PPARG: variants seen among roughly 807,000 people sequenced by gnomAD.
PPARG encodes peroxisome proliferator-activated receptor gamma.
PPARG carries 17 observed loss-of-function variants against 39.2 expected under a neutral mutation model. That is an observed-to-expected ratio of 0.43 (90% CI 0.30 to 0.65). The LOEUF is 0.65. PPARG is among the 30% of genes least tolerant of loss of function. PPARG has a pLI of 0.13. For synonymous variants in PPARG, 223 were observed against 215.7 expected (o/e 1.03, Z -0.30); for missense variants, 406 against 585.9 (o/e 0.69, Z 3.17).
intron 5 of PPARG, among the ~76,000 whole-genome samples, chr3:12,400,062 C>G (rs1038091041): frequency 2.0e-5 from 3 of 151,410 alleles, no homozygotes; most frequent in Non-Finnish European, 4.4e-5. Context: ...TTGTATGCAA[C>G]AAACATATAA....
chr3:12,422,305 A>G lies in PPARG; in HGVS notation c.1180+5151A>G, dbSNP rs139272936. Among the ~76,000 whole-genome samples the G allele has an allele frequency of 7.2e-5, 11 of 152,318 alleles. No homozygotes were observed. In the East Asian group the frequency reaches 1.4e-3, roughly 19 times the overall value. On this transcript the variant is annotated intron_variant, in intron 7 of 7. Transcript: ENST00000651735. ...TTGGATTTCTTGGTAGGAAGACTAC[A>G]TGGCTGCATACATGGTCTTTCATTA...
chr3:12,309,694 A>G (rs576855510), intron 1 of PPARG, among the ~76,000 whole-genome samples: 2 of 152,298 alleles, frequency 1.3e-5, no homozygotes, highest in Admixed American at 6.5e-5. Flanking sequence ...AATTATTTCC[A>G]TTGTTAATTA....
At chr3:12,389,805 A>AGG (rs2050006011) in intron 4 of PPARG, among the ~76,000 whole-genome samples, 1 of 152,116 alleles carries the variant, frequency 6.6e-6, no homozygotes, top group Non-Finnish European at 1.5e-5. Flanking sequence ...GCTGAGGCCC[A>AGG]AGAATCGCTT....
chr3:12,386,882 C>A (rs1252910075), intron 4 of PPARG, among the ~76,000 whole-genome samples: 1 of 151,778 alleles, frequency 6.6e-6, no homozygotes, highest in African/African-American at 2.4e-5. Context: ...CCTCCACCCC[C>A]TGATAGGCCC....
chr3:12,394,856 A>T (rs894534643), intron 5 of PPARG, among the ~76,000 whole-genome samples: 1 of 152,240 alleles, frequency 6.6e-6, no homozygotes, highest in Non-Finnish European at 1.5e-5. Flanking sequence ...CAGGGTTTTC[A>T]TTCATATAGA....
chr3:12,403,657 A>G (rs1431125181), intron 5 of PPARG, among the ~76,000 whole-genome samples: 2 of 152,134 alleles, frequency 1.3e-5, no homozygotes, highest in East Asian at 1.9e-4. Flanking sequence ...CACCCAGCCC[A>G]TATTATTTTT....
chr3:12,353,089 G>A (rs946497874), intron 2 of PPARG, among the ~76,000 whole-genome samples: 2 of 152,198 alleles, frequency 1.3e-5, no homozygotes, highest in African/African-American at 4.8e-5. Context: ...GGATGGTTAT[G>A]TGATTCAAGT....
intron 7 of PPARG, among the ~76,000 whole-genome samples, chr3:12,429,570 A>AT (rs1199887912): frequency 6.7e-6 from 1 of 149,642 alleles, no homozygotes; most frequent in Non-Finnish European, 1.5e-5. Context: ...AAAAAAAAAA[A>AT]AAAGAAGCAG....
intron 2 of PPARG, among the ~76,000 whole-genome samples, chr3:12,356,336 T>C (rs1295495010): frequency 6.6e-6 from 1 of 152,222 alleles, no homozygotes; most frequent in East Asian, 1.9e-4. Flanking sequence ...CATCCAACTC[T>C]TATAACCTCA....
intron 5 of PPARG, 107 bp from the exon 6 acceptor site, chr3:12,405,775 G>C (rs1381289896): frequency 9.7e-6 from 11 of 1,131,742 alleles, no homozygotes; most frequent in African/African-American, 3.1e-5. Context: ...AAGAGCAGTG[G>C]AGGAGGAGGG....
chr3:12,363,264 A>G (rs2048911804), intron 2 of PPARG, among the ~76,000 whole-genome samples: 1 of 152,200 alleles, frequency 6.6e-6, no homozygotes, highest in African/African-American at 2.4e-5. Context: ...AAAAGTATGA[A>G]AAGTGTCTAC....
intron 1 of PPARG, chr3:12,297,817 AT>A (rs991811876): frequency 4.0e-5 from 6 of 151,792 alleles, no homozygotes; most frequent in East Asian, 1.9e-4. Flanking sequence ...TTTTTTTCTA[AT>A]TTTTTTCTAT....
At chr3:12,330,144 G>A (rs907641105) in intron 2 of PPARG, among the ~76,000 whole-genome samples, 16 of 151,902 alleles carry the variant, frequency 1.1e-4, no homozygotes, top group African/African-American at 3.9e-4. Context: ...TAGTTCTTTT[G>A]GGTATATACC....
At chr3:12,410,849 A>G (rs1229552531) in intron 6 of PPARG, among the ~76,000 whole-genome samples, 2 of 152,198 alleles carry the variant, frequency 1.3e-5, no homozygotes, top group Admixed American at 1.3e-4. Flanking sequence ...TTTAAATCCT[A>G]CACTTACAGC....
chr3:12,401,304 A>G (rs575659869), intron 5 of PPARG, among the ~76,000 whole-genome samples: 4 of 152,322 alleles, frequency 2.6e-5, no homozygotes, highest in East Asian at 1.9e-4. Context: ...AGAAATAGAG[A>G]TAGGCAGACA....
intron 1 of PPARG, among the ~76,000 whole-genome samples, chr3:12,294,086 AAGGAGT>A (rs2046718071): frequency 6.6e-6 from 1 of 152,196 alleles, no homozygotes; most frequent in Admixed American, 6.5e-5. Context: ...CAAGGCCTTT[AAGGAGT>A]AGAAAACAGA....
chr3:12,432,798 T>C (rs977793810), intron 7 of PPARG, among the ~76,000 whole-genome samples: 5 of 152,242 alleles, frequency 3.3e-5, no homozygotes, highest in African/African-American at 4.8e-5. Context: ...ATTGTTTCAA[T>C]ATACTAAAAT....
At chr3:12,369,152 T>C (rs898790751) in intron 2 of PPARG, among the ~76,000 whole-genome samples, 4 of 152,172 alleles carry the variant, frequency 2.6e-5, no homozygotes, top group African/African-American at 4.8e-5. Context: ...TTTACCTCTT[T>C]CACATATTTC....
chr3:12,360,574 C>CAA (rs11394520), intron 2 of PPARG, among the ~76,000 whole-genome samples: 14,613 of 126,666 alleles, frequency 0.12, 966 homozygotes, highest in South Asian at 0.16. Context: ...AGCACCCAGA[C>CAA]AAAAAAAAAA....
Sources: gnomAD v4.1 joint callset for allele counts (sites outside exome capture counted in the v4.1 genomes callset) on GRCh38, gnomAD v4.1.1 for gene constraint, MANE v1.5 for transcripts, NCBI Gene and HGNC (gene_info 2026-07-23, HGNC 2026-07-21) for gene names.